The following CD109 variants were observed in gnomAD, a reference collection of about 807,000 sequenced individuals.
The protein encoded by CD109 is CD109 antigen.
CD109 carries 149 observed loss-of-function variants against 165.8 expected under a neutral mutation model. The observed-to-expected ratio is 0.90, with a 90% confidence interval of 0.79 to 1.03. The LOEUF (loss-of-function observed/expected upper bound fraction) is 1.03. Among genes scored for constraint, CD109 ranks in the 50% least tolerant of loss-of-function variants. The probability of loss-of-function intolerance (pLI) is 0.00; values close to 1 mark genes in which losing one functional copy is unlikely to be tolerated. For synonymous variants in CD109, 585 were observed against 592.1 expected, an observed-to-expected ratio of 0.99 and a Z score of 0.18; for missense variants, 1,712 against 1,677.8, an observed-to-expected ratio of 1.02 and a Z score of -0.36.
At chr6:73,804,607 C>T (rs1421257173) in intron 24 of CD109, among the ~76,000 whole-genome samples, 1 of 152,162 alleles carries the variant, frequency 6.6e-6, no homozygotes, top group Non-Finnish European at 1.5e-5. Flanking sequence ...GCTTGAGGGC[C>T]AGATTTGGGC....
chr6:73,808,287 G>A (rs747978207), intron 26 of CD109, 39 bp downstream of exon 26: 4 of 1,573,550 alleles, frequency 2.5e-6, no homozygotes, highest in Non-Finnish European at 3.4e-6. Context: ...TATGCTTTAT[G>A]AAATATATAA....
chr6:73,803,330 C>T (rs755034690), intron 24 of CD109, 29 bp downstream of exon 24: 44 of 1,558,980 alleles, frequency 2.8e-5, no homozygotes, highest in Admixed American at 1.7e-4. Context: ...TGAACAAATC[C>T]GTGTCATGGA....
intron 32 of CD109, among the ~76,000 whole-genome samples, chr6:73,822,809 T>C (rs1776145176): frequency 6.6e-6 from 1 of 152,184 alleles, no homozygotes; most frequent in Non-Finnish European, 1.5e-5. Flanking sequence ...ATTTACGATA[T>C]GGAAAACAGT....
chr6:73,824,736 T>G lies in CD109; in HGVS notation c.*1103T>G, dbSNP rs923416190. 2.0e-5 allele frequency: 3 copies of G among 152,186 alleles called. No individual in the cohort carries two copies. The highest frequency in any genetic ancestry group is 4.4e-5 in the Non-Finnish European group (3 of 68,034). 9.4% of individuals were successfully genotyped at this position (152,186 alleles called of 1,614,324 possible). A position where few individuals can be genotyped will look rare whatever the true frequency, so the allele number is the denominator to read the frequency against. On this transcript the variant is annotated 3_prime_UTR_variant, in exon 33 of 33. Coordinates refer to ENST00000287097, the MANE Select transcript of CD109 (RefSeq NM_133493.5). Reference sequence around the variant, plus strand: ...CCCGAATCCTGAGCACCTCAATCTTTAATTGCCCTGTATTCCGAAGGGTAA... The same window carrying G: ...CCCGAATCCTGAGCACCTCAATCTTGAATTGCCCTGTATTCCGAAGGGTAA...
intron 14 of CD109, among the ~76,000 whole-genome samples, 156 bp downstream of exon 14, chr6:73,768,387 A>G (rs1332652851): frequency 2.0e-5 from 3 of 152,224 alleles, no homozygotes; most frequent in Non-Finnish European, 4.4e-5. Context: ...AATATTTAGC[A>G]TTACATATAT....
the CD109 span, among the ~76,000 whole-genome samples, chr6:73,679,543 A>G: frequency 1.3e-5 from 2 of 151,966 alleles, no homozygotes; most frequent in African/African-American, 2.4e-5. Context: ...ATATTTCAGT[A>G]CTAGCAACAA....
chr6:73,719,745 A>AC (rs1256039581), intron 2 of CD109, among the ~76,000 whole-genome samples: 1 of 152,148 alleles, frequency 6.6e-6, no homozygotes, highest in African/African-American at 2.4e-5. Context: ...CAAATATTTC[A>AC]CAGGGTCTGC....
chr6:73,787,233 G>T lies in CD109; in HGVS notation c.2338-1G>T. On this transcript the variant is annotated splice_acceptor_variant, in intron 20 of 32. Coordinates refer to ENST00000287097, the MANE Select transcript of CD109 (RefSeq NM_133493.5). LOFTEE classifies it high-confidence loss of function. ...AGCTTTGATTTATTTTTTTCTTTCA[G>T]GTTAAGGTAATCATTGAGAAAAGTG... 6.3e-7 allele frequency: 1 copy of T among 1,592,486 alleles called. No individual in the cohort carries two copies. The highest frequency in any genetic ancestry group is 1.1e-5 in the South Asian group (1 of 89,998).
At chr6:73,691,654 C>T (rs535174846), upstream of CD109, among the ~76,000 whole-genome samples, 34 of 152,176 alleles carry the variant, frequency 2.2e-4, no homozygotes, top group Middle Eastern at 3.4e-3. Flanking sequence ...TTATTCTTAC[C>T]CACATTTAGC....
chr6:73,803,123 C>T, intron 23 of CD109, 97 bp from the exon 24 acceptor site: 4 of 799,332 alleles, frequency 5.0e-6, no homozygotes, highest in Non-Finnish European at 8.6e-6. Flanking sequence ...CTTTCCCCCT[C>T]TCTGCCCATA....
intron 2 of CD109, among the ~76,000 whole-genome samples, chr6:73,703,663 GCTAA>G (rs937268766): frequency 6.6e-6 from 1 of 151,772 alleles, no homozygotes; most frequent in Non-Finnish European, 1.5e-5. Context: ...AGAAAATAAG[GCTAA>G]CTAAGGAGTT....
chr6:73,765,925 AT>A lies in CD109; in HGVS notation c.1108-3del. The A allele has an allele frequency of 6.2e-7, 1 of 1,600,690 alleles. No homozygotes were observed. The highest frequency in any genetic ancestry group is 8.6e-7 in the Non-Finnish European group (1 of 1,168,806). On this transcript the variant is annotated splice_region_variant and splice_polypyrimidine_tract_variant and intron_variant, in intron 10 of 32. Coordinates refer to ENST00000287097, the MANE Select transcript of CD109 (RefSeq NM_133493.5). ...GTTTTTAAGATGTTTTGTTTTGACC[AT>A]TAGGTGAAGGTAACTCGTGCTGATG...
intron 10 of CD109, 136 bp downstream of exon 10, chr6:73,763,821 G>A (rs1455725161): frequency 7.2e-6 from 3 of 416,236 alleles, no homozygotes; most frequent in Non-Finnish European, 1.3e-5. Flanking sequence ...GACATGTGGG[G>A]CATGTAGATT....
chr6:73,736,679 C>T (rs1258368936), intron 5 of CD109, among the ~76,000 whole-genome samples, 171 bp downstream of exon 5: 1 of 152,070 alleles, frequency 6.6e-6, no homozygotes, highest in Admixed American at 6.5e-5. Context: ...GTTTATTTAG[C>T]TTTCATTCTA....
At chr6:73,702,043 T>C (rs1771103570) in intron 2 of CD109, among the ~76,000 whole-genome samples, 1 of 152,178 alleles carries the variant, frequency 6.6e-6, no homozygotes, top group Non-Finnish European at 1.5e-5. Flanking sequence ...GGGGCACCAT[T>C]TTTTAAATGC....
intron 2 of CD109, among the ~76,000 whole-genome samples, chr6:73,702,573 A>G (rs908931464): frequency 6.6e-6 from 1 of 152,154 alleles, no homozygotes; most frequent in Non-Finnish European, 1.5e-5. Flanking sequence ...CTTGTGTGTG[A>G]TGTATATTAA....
intron 5 of CD109, among the ~76,000 whole-genome samples, chr6:73,738,686 G>A (rs745937055): frequency 7.2e-5 from 11 of 152,170 alleles, no homozygotes; most frequent in Non-Finnish European, 1.5e-4. Flanking sequence ...AAAATGAAAA[G>A]CATTTGCAGG....
In CD109 at chr6:73,736,401, A is replaced by G. The variant is rs1772545001; in HGVS notation, c.526A>G (p.Ile176Val). Residue 176 changes from isoleucine to valine, a missense_variant, in exon 5 of 33, where the codon ATC (isoleucine) becomes GTC (valine). Transcript: ENST00000287097. The stretch of plus-strand genomic sequence containing the variant: ...ATTTTAGGACCCCAAATCAAATTTG[A>G]TCCAACAGTGGTTGTCACAACAAAG... ...ILIKDPKSNL[I>V]QQWLSQQSDL... The G allele has an allele frequency of 6.2e-7, 1 of 1,613,628 alleles. No individual in the cohort carries two copies. The highest frequency in any genetic ancestry group is 1.3e-5 in the African/African-American group (1 of 75,026).
chr6:73,708,999 G>T (rs1026591124), intron 2 of CD109, among the ~76,000 whole-genome samples: 1 of 152,126 alleles, frequency 6.6e-6, no homozygotes, highest in Non-Finnish European at 1.5e-5. Context: ...AAGCTCTTTA[G>T]TTTAATTAGA....
Sources: allele counts gnomAD v4.1 joint callset (sites outside exome capture counted in the v4.1 genomes callset), GRCh38; gene constraint gnomAD v4.1.1; transcripts MANE v1.5; gene names NCBI Gene and HGNC (gene_info 2026-07-23, HGNC 2026-07-21).